BLTP1: variants seen among roughly 807,000 people sequenced by gnomAD.
BLTP1 encodes the protein bridge-like lipid transfer protein family member 1.
At chr4:122,154,360 G>A in the BLTP1 span, 3 of 984,784 alleles carry the variant, frequency 3.0e-6, no homozygotes, top group Non-Finnish European at 3.6e-6. Context: ...TATATTGCTA[G>A]GGAATGGGGG....
At chr4:122,291,129 A>G in the BLTP1 span, among the ~76,000 whole-genome samples, 23 of 152,272 alleles carry the variant, frequency 1.5e-4, no homozygotes, top group South Asian at 4.4e-3. Context: ...CTGGAAATTA[A>G]TATTTCTAAC....
At chr4:122,277,153 A>G in the BLTP1 span, 1 of 801,524 alleles carries the variant, frequency 1.2e-6, no homozygotes, top group Non-Finnish European at 1.5e-6. Flanking sequence ...CCTGAGAAAT[A>G]TAATGAGACC....
the BLTP1 span, among the ~76,000 whole-genome samples, chr4:122,195,386 C>T: frequency 6.6e-6 from 1 of 151,904 alleles, no homozygotes. Context: ...ACTTAATCTT[C>T]AGATGATGAT....
chr4:122,361,255 C>T, the BLTP1 span, among the ~76,000 whole-genome samples: 5 of 152,218 alleles, frequency 3.3e-5, no homozygotes, highest in South Asian at 2.1e-4. Context: ...CTTAGATATA[C>T]GGCAACAATA....
At chr4:122,275,151 A>T in the BLTP1 span, among the ~76,000 whole-genome samples, 1 of 152,078 alleles carries the variant, frequency 6.6e-6, no homozygotes, top group African/African-American at 2.4e-5. Flanking sequence ...TGGTTGTGAG[A>T]GATGAGATCT....
the BLTP1 span, chr4:122,328,420 G>T: frequency 7.0e-7 from 1 of 1,433,726 alleles, no homozygotes; most frequent in Non-Finnish European, 9.6e-7. Context: ...AGCACAAAAT[G>T]TTATATATAA....
chr4:122,236,563 A>G, the BLTP1 span, among the ~76,000 whole-genome samples: 13 of 152,212 alleles, frequency 8.5e-5, no homozygotes, highest in Non-Finnish European at 1.8e-4. Context: ...ATAGCCAAGT[A>G]TGGCTGAGAA....
At chr4:122,219,509 G>T in the BLTP1 span, 3 of 1,613,954 alleles carry the variant, frequency 1.9e-6, no homozygotes, top group Non-Finnish European at 1.7e-6. Context: ...CTTGCCTTGC[G>T]TCCTTGGGAT....
the BLTP1 span, chr4:122,169,956 G>C: frequency 1.0e-6 from 1 of 985,244 alleles, no homozygotes; most frequent in Non-Finnish European, 1.2e-6. Context: ...GACAAGTCTG[G>C]ATGAATTTGT....
chr4:122,164,311 A>G, the BLTP1 span: 1 of 754,698 alleles, frequency 1.3e-6, no homozygotes, highest in Non-Finnish European at 1.6e-6. Flanking sequence ...TCCTCCAGCC[A>G]TCACTTTGTC....
the BLTP1 span, among the ~76,000 whole-genome samples, chr4:122,238,698 T>G: frequency 6.6e-6 from 1 of 152,344 alleles, no homozygotes. Flanking sequence ...GGCCACTCCC[T>G]TCTTGAATCA....
the BLTP1 span, chr4:122,226,957 TAATAA>T: frequency 1.4e-6 from 1 of 702,234 alleles, no homozygotes; most frequent in African/African-American, 1.9e-5. Flanking sequence ...TTTTTTCAGT[TAATAA>T]AATTATTTTT....
chr4:122,169,292 GT>G, the BLTP1 span, among the ~76,000 whole-genome samples: 1 of 152,078 alleles, frequency 6.6e-6, no homozygotes, highest in Non-Finnish European at 1.5e-5. Context: ...AAGAGTTGTG[GT>G]GAATAAACAG....
the BLTP1 span, chr4:122,221,692 G>T: frequency 1.8e-6 from 1 of 565,972 alleles, no homozygotes; most frequent in Non-Finnish European, 2.2e-6. Flanking sequence ...AAAACCTCTT[G>T]TCCTCTCTAT....
chr4:122,175,141 C>G, the BLTP1 span: 1 of 983,244 alleles, frequency 1.0e-6, no homozygotes, highest in Non-Finnish European at 1.2e-6. Flanking sequence ...GAAAGAAAAG[C>G]CTACTCAATT....
At chr4:122,184,879 A>T in the BLTP1 span, 1 of 984,422 alleles carries the variant, frequency 1.0e-6, no homozygotes, top group African/African-American at 1.7e-5. Context: ...CTGTTGGAAT[A>T]CTTTTTCCAG....
chr4:122,221,718 A>G, the BLTP1 span: 2 of 812,624 alleles, frequency 2.5e-6, no homozygotes, highest in Non-Finnish European at 3.0e-6. Context: ...GCAGGTCATT[A>G]GAATCGGTTG....
the BLTP1 span, among the ~76,000 whole-genome samples, chr4:122,159,321 G>A: frequency 6.6e-6 from 1 of 152,052 alleles, no homozygotes; most frequent in African/African-American, 2.4e-5. Flanking sequence ...AAATTAGCCG[G>A]GCGTGGTGGC....
chr4:122,201,099 A>C, the BLTP1 span: 7 of 1,612,506 alleles, frequency 4.3e-6, no homozygotes, highest in Non-Finnish European at 5.9e-6. Flanking sequence ...TTACCACTTC[A>C]TCTTTGCACA....
Sources: allele counts gnomAD v4.1 joint callset (sites outside exome capture counted in the v4.1 genomes callset), GRCh38; gene constraint gnomAD v4.1.1; transcripts MANE v1.5; gene names NCBI Gene and HGNC (gene_info 2026-07-23, HGNC 2026-07-21).